Variants in CNTNAP5 observed in about 807,000 individuals in gnomAD.
CNTNAP5 encodes the protein contactin-associated protein-like 5.
Under a neutral mutation model 150.2 loss-of-function variants are expected in CNTNAP5, and 72 were observed. The observed-to-expected ratio is 0.48, with a 90% confidence interval of 0.40 to 0.58. The LOEUF (loss-of-function observed/expected upper bound fraction) is 0.58. Ranked by LOEUF, CNTNAP5 falls within the 20% of genes least tolerant of loss-of-function variation. CNTNAP5 has a pLI of 0.00. For synonymous variants in CNTNAP5, 672 were observed against 619.8 expected, an observed-to-expected ratio of 1.08 and a Z score of -1.25; for missense variants, 1,636 against 1,626.2, an observed-to-expected ratio of 1.01 and a Z score of -0.10.
chr2:124,418,451 T>C (rs1390342673), intron 4 of CNTNAP5, among the ~76,000 whole-genome samples: 1 of 152,144 alleles, frequency 6.6e-6, no homozygotes, highest in East Asian at 1.9e-4. Context: ...ATAGGAGTGT[T>C]GCCTAGAAAA....
intron 10 of CNTNAP5, among the ~76,000 whole-genome samples, chr2:124,557,361 C>T (rs1306127827): frequency 1.3e-5 from 2 of 152,062 alleles, no homozygotes; most frequent in Non-Finnish European, 2.9e-5. Flanking sequence ...GCTCCTTTGC[C>T]TGCCCTCTTT....
At chr2:124,036,171 G>T (rs558108059) in intron 1 of CNTNAP5, among the ~76,000 whole-genome samples, 1 of 151,606 alleles carries the variant, frequency 6.6e-6, no homozygotes, top group Non-Finnish European at 1.5e-5. Flanking sequence ...TGATCCACCC[G>T]CCTCGGCCTC....
At chr2:124,150,080 C>T (rs1684368657) in intron 1 of CNTNAP5, among the ~76,000 whole-genome samples, 1 of 152,208 alleles carries the variant, frequency 6.6e-6, no homozygotes, top group Non-Finnish European at 1.5e-5. Context: ...TCTTTAAAAA[C>T]TACTGTGGAA....
chr2:124,664,751 A>G (rs1343421625), intron 13 of CNTNAP5, among the ~76,000 whole-genome samples: 1 of 152,214 alleles, frequency 6.6e-6, no homozygotes, highest in East Asian at 1.9e-4. Flanking sequence ...CAATGGCGCA[A>G]TCTTGTCTCA....
At chr2:124,574,960 C>T (rs955733791) in intron 11 of CNTNAP5, among the ~76,000 whole-genome samples, 6 of 152,198 alleles carry the variant, frequency 3.9e-5, no homozygotes, top group African/African-American at 1.2e-4. Context: ...ATAGAATCTG[C>T]CCCTCAGTGC....
At chr2:124,372,353 C>T (rs915748228) in intron 3 of CNTNAP5, among the ~76,000 whole-genome samples, 1 of 152,082 alleles carries the variant, frequency 6.6e-6, no homozygotes, top group African/African-American at 2.4e-5. Flanking sequence ...CTCCAGCTTG[C>T]AGACCGCCTA....
chr2:124,668,096 T>C (rs1045301297), intron 13 of CNTNAP5, among the ~76,000 whole-genome samples: 1 of 152,236 alleles, frequency 6.6e-6, no homozygotes, highest in Non-Finnish European at 1.5e-5. Flanking sequence ...CTGATGATGA[T>C]GTATCAGGGA....
At chr2:124,258,991 A>G (rs1158909943) in intron 3 of CNTNAP5, among the ~76,000 whole-genome samples, 3 of 147,252 alleles carry the variant, frequency 2.0e-5, no homozygotes, top group South Asian at 4.6e-4. Flanking sequence ...GTATCTCCCA[A>G]TGCTATCCCT....
At chr2:124,273,231 T>G (rs1687801972) in intron 3 of CNTNAP5, among the ~76,000 whole-genome samples, 1 of 152,192 alleles carries the variant, frequency 6.6e-6, no homozygotes, top group Non-Finnish European at 1.5e-5. Flanking sequence ...TGCCTATTTC[T>G]CAGGTTATTT....
At chr2:124,735,816 C>T (rs941868423) in intron 13 of CNTNAP5, among the ~76,000 whole-genome samples, 1 of 152,128 alleles carries the variant, frequency 6.6e-6, no homozygotes, top group African/African-American at 2.4e-5. Flanking sequence ...AGTATCTTCA[C>T]AGCTTTGTTG....
At chr2:124,046,409 C>G (rs1049559186) in intron 1 of CNTNAP5, among the ~76,000 whole-genome samples, 3 of 140,256 alleles carry the variant, frequency 2.1e-5, no homozygotes, top group Non-Finnish European at 4.5e-5. Context: ...CTCCACCTCC[C>G]CTGAGATCTG....
chr2:124,403,365 T>C (rs1215967666), intron 3 of CNTNAP5, among the ~76,000 whole-genome samples: 1 of 152,232 alleles, frequency 6.6e-6, no homozygotes, highest in Non-Finnish European at 1.5e-5. Context: ...CATCTGCATA[T>C]GTATTAGATG....
intron 19 of CNTNAP5, among the ~76,000 whole-genome samples, chr2:124,818,910 G>A (rs1002571648): frequency 1.3e-5 from 2 of 152,058 alleles, no homozygotes; most frequent in African/African-American, 4.8e-5. Flanking sequence ...TCTAGGATGT[G>A]CCCAGCAGGC....
intron 3 of CNTNAP5, among the ~76,000 whole-genome samples, chr2:124,324,867 T>C (rs1291869548): frequency 6.6e-6 from 1 of 152,206 alleles, no homozygotes; most frequent in Non-Finnish European, 1.5e-5. Flanking sequence ...TTTGTAGTTC[T>C]ATGAGTTTCA....
At chr2:124,123,565 C>T (rs893231470) in intron 1 of CNTNAP5, among the ~76,000 whole-genome samples, 2 of 152,092 alleles carry the variant, frequency 1.3e-5, no homozygotes, top group Non-Finnish European at 2.9e-5. Context: ...GTGGTTCTCC[C>T]AACATGGAGT....
At chr2:124,704,871 C>G (rs1679600927) in intron 13 of CNTNAP5, among the ~76,000 whole-genome samples, 1 of 152,058 alleles carries the variant, frequency 6.6e-6, no homozygotes, top group Non-Finnish European at 1.5e-5. Context: ...CTGCCTTTCC[C>G]TGTATTCAAC....
chr2:124,710,957 TA>T, intron 13 of CNTNAP5, among the ~76,000 whole-genome samples: 1 of 152,166 alleles, frequency 6.6e-6, no homozygotes, highest in East Asian at 1.9e-4. Flanking sequence ...TTTTTGAATT[TA>T]TCATCCCTTC....
Position 124,908,068 on chromosome 2 carries a change from G to A in CNTNAP5, c.3656-3399G>A, listed in dbSNP as rs191179421. ...AATAAGGGAGAAACCATTGTAAGTC[G>A]GAGTAAGAAAAAAAAGCCATGAGGC... On this transcript the variant is annotated intron_variant, in intron 22 of 23. Transcript: ENST00000682447. 1.8e-3 allele frequency among the ~76,000 whole-genome samples: 278 copies of A among 151,840 alleles called. 2 individuals carry two copies. Among genetic ancestry groups the A allele is most frequent in the Middle Eastern group, 3.4e-3 (1 of 292 alleles).
chr2:124,676,812 C>T (rs1678948937), intron 13 of CNTNAP5, among the ~76,000 whole-genome samples: 1 of 152,188 alleles, frequency 6.6e-6, no homozygotes, highest in African/African-American at 2.4e-5. Flanking sequence ...TTATTAAAGA[C>T]TCCTTGGATG....
Sources: allele counts gnomAD v4.1 joint callset (sites outside exome capture counted in the v4.1 genomes callset), GRCh38; gene constraint gnomAD v4.1.1; transcripts MANE v1.5; gene names NCBI Gene and HGNC (gene_info 2026-07-23, HGNC 2026-07-21).